Variants in ACBD6 observed in about 807,000 individuals in gnomAD.
ACBD6 encodes the protein acyl-CoA binding domain containing 6, also known as acyl-CoA-binding domain-containing protein 6.
Under a neutral mutation model 37.2 loss-of-function variants are expected in ACBD6, and 28 were observed. That is an observed-to-expected ratio of 0.75 (90% confidence interval 0.56 to 1.03). The LOEUF is 1.03. Ranked by LOEUF, ACBD6 falls within the 50% of genes least tolerant of loss-of-function variation. The pLI is 0.00. For synonymous variants in ACBD6, 113 were observed against 126.8 expected, an observed-to-expected ratio of 0.89 and a Z score of 0.73; for missense variants, 340 against 337.4, an observed-to-expected ratio of 1.01 and a Z score of -0.06.
At chr1:180,371,571 C>T (rs1418102) in intron 6 of ACBD6, among the ~76,000 whole-genome samples, 124,479 of 152,110 alleles carry the variant, frequency 0.82, 51,353 homozygotes, top group Non-Finnish European at 0.88. Flanking sequence ...GATCTATAGT[C>T]GACTCTTGGT....
At chr1:180,281,637 G>A (rs150888857) in intron 8 of ACBD6, among the ~76,000 whole-genome samples, 66 of 152,214 alleles carry the variant, frequency 4.3e-4, no homozygotes, top group African/African-American at 1.5e-3. Context: ...TCTTCATAAA[G>A]CCCCTTTGCC....
chr1:180,271,582 C>G, exon 14 of ACBD6: 1 of 1,607,044 alleles, frequency 6.2e-7, no homozygotes, highest in Non-Finnish European at 8.5e-7. Flanking sequence ...AGGCCCGGGA[C>G]AGGGGTGGAA....
chr1:180,331,167 C>CA (rs1651466120), intron 6 of ACBD6, among the ~76,000 whole-genome samples: 1 of 152,186 alleles, frequency 6.6e-6, no homozygotes, highest in Non-Finnish European at 1.5e-5. Context: ...TAGGGTCACA[C>CA]AAGGGGTATG....
intron 3 of ACBD6, among the ~76,000 whole-genome samples, chr1:180,457,153 GGAGAGCAT>G (rs1649957459): frequency 6.6e-6 from 1 of 152,082 alleles, no homozygotes; most frequent in African/African-American, 2.4e-5. Context: ...TGTACCTAAA[GGAGAGCAT>G]GTAGGGGCAA....
chr1:180,344,287 G>A (rs1652091313), intron 6 of ACBD6, among the ~76,000 whole-genome samples: 2 of 152,158 alleles, frequency 1.3e-5, no homozygotes, highest in Non-Finnish European at 2.9e-5. Flanking sequence ...AGACATTTTA[G>A]ACCACAGAGA....
chr1:180,368,651 C>T (rs189393208), intron 6 of ACBD6, among the ~76,000 whole-genome samples: 6 of 152,002 alleles, frequency 3.9e-5, no homozygotes, highest in African/African-American at 1.2e-4. Context: ...CAGGGGGATG[C>T]ATTTCAAAAT....
intron 5 of ACBD6, among the ~76,000 whole-genome samples, chr1:180,403,789 G>A (rs1297860011): frequency 6.6e-6 from 1 of 152,140 alleles, no homozygotes; most frequent in Admixed American, 6.5e-5. Context: ...AACGAACCTT[G>A]AAGACGTTAC....
chr1:180,472,101 T>C (rs1055827751), intron 3 of ACBD6, among the ~76,000 whole-genome samples: 2 of 152,214 alleles, frequency 1.3e-5, no homozygotes, highest in Non-Finnish European at 2.9e-5. Flanking sequence ...TAGGTACGTA[T>C]AGGGCAAGGC....
At chr1:180,304,789 T>C (rs966366806) in intron 7 of ACBD6, among the ~76,000 whole-genome samples, 14 of 146,780 alleles carry the variant, frequency 9.5e-5, no homozygotes, top group African/African-American at 3.2e-4. Flanking sequence ...GAGCCCACAT[T>C]GCCAAGTCAA....
chr1:180,454,527 G>C (rs1649840534), intron 3 of ACBD6, among the ~76,000 whole-genome samples: 1 of 152,162 alleles, frequency 6.6e-6, no homozygotes, highest in Non-Finnish European at 1.5e-5. Flanking sequence ...TGACAAGTGG[G>C]ATCTAATTAA....
chr1:180,330,687 T>C (rs577676682), intron 6 of ACBD6, among the ~76,000 whole-genome samples: 6 of 152,052 alleles, frequency 3.9e-5, no homozygotes, highest in Non-Finnish European at 7.4e-5. Context: ...ACTGATCAAA[T>C]GTACATCTAC....
At chr1:180,303,139 C>T (rs1209835816) in intron 7 of ACBD6, among the ~76,000 whole-genome samples, 8 of 149,322 alleles carry the variant, frequency 5.4e-5, no homozygotes, top group African/African-American at 2.0e-4. Flanking sequence ...ACTAAATGCC[C>T]ACAAGAGAAA....
Position 180,356,154 on chromosome 1 carries a change from T to C in ACBD6, c.663+41362A>G, listed in dbSNP as rs182911896. ...TCCCAAAGTGCTGGGATTACAGGCGTGAGCCACCGTGCCTGGCCTATTGTT... is the reference window on the plus strand; with the variant it reads ...TCCCAAAGTGCTGGGATTACAGGCGCGAGCCACCGTGCCTGGCCTATTGTT... On this transcript the variant is annotated intron_variant, in intron 6 of 7. Coordinates refer to ENST00000367595, the MANE Select transcript of ACBD6 (RefSeq NM_032360.4). Among the ~76,000 whole-genome samples the C allele has an allele frequency of 1.5e-3, 230 of 151,534 alleles. 1 individual carries two copies. Among genetic ancestry groups the C allele is most frequent in the African/African-American group, 5.3e-3 (220 of 41,256 alleles).
At chr1:180,281,905 G>A (rs191844107) in intron 8 of ACBD6, among the ~76,000 whole-genome samples, 2 of 152,316 alleles carry the variant, frequency 1.3e-5, no homozygotes, top group African/African-American at 4.8e-5. Context: ...GCTCCTGCCC[G>A]GGGAAGAGTA....
At chr1:180,483,259 C>A (rs1201156752) in intron 3 of ACBD6, among the ~76,000 whole-genome samples, 1 of 152,098 alleles carries the variant, frequency 6.6e-6, no homozygotes, top group Non-Finnish European at 1.5e-5. Flanking sequence ...TAATTTCAAT[C>A]TATGCTCAAT....
At chr1:180,293,015 T>C (rs948740859) in intron 7 of ACBD6, among the ~76,000 whole-genome samples, 2 of 152,224 alleles carry the variant, frequency 1.3e-5, no homozygotes, top group African/African-American at 4.8e-5. Flanking sequence ...TCTGTTCATA[T>C]GGTGAAATAC....
chr1:180,429,776 G>A (rs1221935467), intron 4 of ACBD6, among the ~76,000 whole-genome samples: 1 of 151,966 alleles, frequency 6.6e-6, no homozygotes. Context: ...TAAAATAATA[G>A]TATTTTGAGG....
At chr1:180,488,581 C>CT (rs1289621354) in intron 3 of ACBD6, among the ~76,000 whole-genome samples, 218 of 144,580 alleles carry the variant, frequency 1.5e-3, no homozygotes, top group South Asian at 6.2e-3. Context: ...TGTTAGTTGG[C>CT]TTTTTTTTTT....
intron 3 of ACBD6, among the ~76,000 whole-genome samples, chr1:180,470,212 T>C (rs954023859): frequency 1.3e-5 from 2 of 152,094 alleles, no homozygotes; most frequent in African/African-American, 4.8e-5. Flanking sequence ...CATAGGATCA[T>C]AAATTTCTCA....
Sources: gnomAD v4.1 joint callset for allele counts (sites outside exome capture counted in the v4.1 genomes callset) on GRCh38, gnomAD v4.1.1 for gene constraint, MANE v1.5 for transcripts, NCBI Gene and HGNC (gene_info 2026-07-23, HGNC 2026-07-21) for gene names.